Variants in UBN1 observed in about 807,000 individuals in gnomAD.
The protein encoded by UBN1 is ubinuclein-1.
A neutral mutation model predicts 108.5 loss-of-function variants in UBN1; 17 were observed. The ratio of observed to expected loss-of-function variants is 0.16; its 90% CI spans 0.11 to 0.24. The LOEUF (loss-of-function observed/expected upper bound fraction) is 0.24. Among genes scored for constraint, UBN1 ranks in the 10% least tolerant of loss-of-function variants. The pLI is 1.00. For synonymous variants in UBN1, 726 were observed against 564.2 expected (o/e 1.29, Z -4.07); for missense variants, 1,595 against 1,394.4 (o/e 1.14, Z -2.29).
At position 4,876,962 on chromosome 16, in the gene UBN1, G is replaced by A; in HGVS notation, c.3116G>A (p.Ser1039Asn). 1.2e-6 allele frequency: 2 copies of A among 1,614,220 alleles called. No individual in the cohort carries two copies. Among genetic ancestry groups the A allele is most frequent in the Non-Finnish European group, 1.7e-6 (2 of 1,180,046 alleles). The change falls in exon 16 of 18, where the codon AGC becomes AAC. Residue 1039 changes from serine to asparagine, a missense_variant. Ser to Asn is a conservative substitution (Grantham distance 46, BLOSUM62 1). This residue lies in a region of UBN1 where 1,398 missense variants were observed against 1,194.7 expected (regional missense o/e 1.17). Transcript: ENST00000262376. ...AGCCCAAAGCTGTCTGGGGCCATGAGCTCGAACTCCTTGGGAATTATAACC... is the reference window on the plus strand; with the variant it reads ...AGCCCAAAGCTGTCTGGGGCCATGAACTCGAACTCCTTGGGAATTATAACC... ...SSSPKLSGAMSSNSLGIITPV... is the reference protein window; with the variant it reads ...SSSPKLSGAMNSNSLGIITPV...
In UBN1 at chr16:4,880,568, C is replaced by T. The variant is rs2088048001; in HGVS notation, c.*436C>T. 1.6e-5 allele frequency: 3 copies of T among 184,410 alleles called. No individual in the cohort carries two copies. Among genetic ancestry groups the T allele is most frequent in the South Asian group, 2.5e-4 (2 of 8,154 alleles). 11.4% of individuals were successfully genotyped at this position (184,410 alleles called of 1,614,324 possible). On this transcript the variant is annotated 3_prime_UTR_variant, in exon 18 of 18. Coordinates refer to ENST00000262376, the MANE Select transcript of UBN1 (RefSeq NM_001079514.3). ...GGCTGCAGTAAGCTCCCTGGATGGT[C>T]ACAGTGCCGCCCCATCCCCAGGCTG...
Position 4,852,964 on chromosome 16 carries a change from T to A in UBN1, c.47T>A (p.Leu16Gln). The A allele has an allele frequency of 2.5e-6, 4 of 1,614,218 alleles. No individual in the cohort carries two copies. Among genetic ancestry groups the A allele is most frequent in the Non-Finnish European group, 3.4e-6 (4 of 1,180,044 alleles). The change falls in exon 2 of 18, where the codon CTG (leucine) becomes CAG (glutamine). Residue 16 changes from leucine to glutamine, a missense_variant. Leu to Gln is a moderately radical substitution (Grantham distance 113). Around this residue, in one of 3 missense-constraint regions of UBN1, gnomAD observed 181 missense variants for 157.3 expected, o/e 1.15. Transcript: ENST00000262376. ...CAGTTCACCTCTCTCCCAGGTTCCC[T>A]GAATCCTGCGTTTTTGAAGAAGTCC... is the stretch of plus-strand genomic sequence containing the variant. Reference protein sequence around the residue: ...RVQFTSLPGSLNPAFLKKSRK... With the variant: ...RVQFTSLPGSQNPAFLKKSRK...
chr16:4,882,145 G>C lies in UBN1; in HGVS notation c.*2013G>C, dbSNP rs977203608. 46 of 152,588 alleles carry C rather than the reference G, an allele frequency of 3.0e-4. No individual in the cohort carries two copies. Among genetic ancestry groups the C allele is most frequent in the African/African-American group, 1.1e-3 (46 of 41,430 alleles). 9.5% of individuals were successfully genotyped at this position (152,588 alleles called of 1,614,324 possible). A position where few individuals can be genotyped will look rare whatever the true frequency, so the allele number is the denominator to read the frequency against. On this transcript the variant is annotated 3_prime_UTR_variant, in exon 18 of 18. Coordinates refer to ENST00000262376, the MANE Select transcript of UBN1 (RefSeq NM_001079514.3). ...GCAAGGCAGACCTACAGGCGAGGCC[G>C]CAGCAGAGGGTGGGGCAGAGCAGCC...
intron 5 of UBN1, 98 bp downstream of exon 5, chr16:4,859,257 T>C (rs557229437): frequency 6.6e-7 from 1 of 1,505,770 alleles, no homozygotes; most frequent in East Asian, 2.3e-5. Context: ...CTTGGCCGGC[T>C]CAGGAGGATG....
At chr16:4,848,342 G>C (rs947585739) in intron 1 of UBN1, 132 bp downstream of exon 1, 1 of 152,280 alleles carries the variant, frequency 6.6e-6, no homozygotes, top group African/African-American at 2.4e-5. Context: ...CATGAACTGG[G>C]AAGTGTTAAC....
Position 4,880,937 on chromosome 16 carries a change from C to G in UBN1, c.*805C>G, listed in dbSNP as rs976316613. 3.9e-5 allele frequency: 6 copies of G among 152,460 alleles called. No individual in the cohort carries two copies. The highest frequency in any genetic ancestry group is 1.4e-4 in the African/African-American group (6 of 41,426). 9.4% of individuals were successfully genotyped at this position (152,460 alleles called of 1,614,324 possible). A position where few individuals can be genotyped will look rare whatever the true frequency, so the allele number is the denominator to read the frequency against. Reference sequence around the variant, plus strand: ...TGTCCATTCAGCCCTCTGAATGGATCTGAGACGAAGACCTTTTTAAAGATA... The same window carrying G: ...TGTCCATTCAGCCCTCTGAATGGATGTGAGACGAAGACCTTTTTAAAGATA... On this transcript the variant is annotated 3_prime_UTR_variant, in exon 18 of 18. Transcript: ENST00000262376.
At chr16:4,871,028 C>A in intron 11 of UBN1, 56 bp downstream of exon 11, 1 of 1,608,566 alleles carries the variant, frequency 6.2e-7, no homozygotes, top group Non-Finnish European at 8.5e-7. Context: ...AGTGTCTGAG[C>A]ACGTCCCCTA....
intron 4 of UBN1, 117 bp downstream of exon 4, chr16:4,858,780 A>T: frequency 1.9e-6 from 2 of 1,045,164 alleles, no homozygotes; most frequent in South Asian, 2.8e-5. Context: ...AGCATGAGGC[A>T]GTAGCAGCAC....
At position 4,850,311 on chromosome 16, in the gene UBN1, T is replaced by C. The variant is rs1400204701; in HGVS notation, c.-40+2101T>C. 2.0e-5 allele frequency among the ~76,000 whole-genome samples: 3 copies of C among 152,174 alleles called. No homozygotes were observed. In the East Asian group the frequency reaches 5.8e-4, roughly 29 times the overall value. The stretch of plus-strand genomic sequence containing the variant: ...GCAACTGAAAGGAGCAGTTTTGCCA[T>C]CTAGGATTGAAGCTGCAGTCTCTCA... On this transcript the variant is annotated intron_variant, in intron 1 of 17. Coordinates refer to ENST00000262376, the MANE Select transcript of UBN1 (RefSeq NM_001079514.3).
chr16:4,870,257 G>A lies in UBN1; in HGVS notation c.1227G>A (p.Gly409=), dbSNP rs768783050. The A allele has an allele frequency of 6.2e-7, 1 of 1,614,190 alleles. No individual in the cohort carries two copies. The highest frequency in any genetic ancestry group is 8.5e-7 in the Non-Finnish European group (1 of 1,180,034). Residue 409 remains glycine, a synonymous_variant, in exon 9 of 18, where the codon GGG becomes GGA. Transcript: ENST00000262376. The stretch of plus-strand genomic sequence containing the variant: ...AGCTGAGCAGTCAGGTCCGCTCTGG[G>A]GTGTATGCCTATCTTGCGTCATTCC... The part of the protein sequence containing the change: ...TRELSSQVRS[G]VYAYLASFLP...
rs559384901 is a variant in UBN1 at position 4,877,992 on chromosome 16, C to G, written c.3355+518C>G. ...CAGTGCAAGACTTTGAGAGGAGCAG[C>G]TTTAAATCTGTCCAAGTGTGAAAAC... On this transcript the variant is annotated intron_variant, in intron 17 of 17. Transcript: ENST00000262376. The surrounding 1 kb of genome is among the most constrained non-coding windows in gnomAD (Gnocchi z 4.3). Among the ~76,000 whole-genome samples the G allele has an allele frequency of 6.6e-6, 1 of 152,242 alleles. No homozygotes were observed. The highest frequency in any genetic ancestry group is 2.1e-4 in the South Asian group (1 of 4,814).
In UBN1 at chr16:4,877,519, G is replaced by A. The variant is rs1422788182; in HGVS notation, c.3355+45G>A. 1.9e-6 allele frequency: 3 copies of A among 1,561,388 alleles called. No homozygotes were observed. The highest frequency in any genetic ancestry group is 3.7e-5 in the Admixed American group (2 of 53,906). On this transcript the variant is annotated intron_variant, in intron 17 of 17. Transcript: ENST00000262376. The surrounding 1 kb of genome is among the most constrained non-coding windows in gnomAD (Gnocchi z 4.3). ...TGTGCCACGCGCACCGTGTGCCTTT[G>A]CCCTCTCCACCCCTAGGTGCTTTGC... is the stretch of plus-strand genomic sequence containing the variant.
At chr16:4,872,622 C>G (rs2087702266) in intron 12 of UBN1, among the ~76,000 whole-genome samples, 1 of 152,200 alleles carries the variant, frequency 6.6e-6, no homozygotes, top group Admixed American at 6.5e-5. Context: ...GCGTGCGCCA[C>G]CACGCCTGGC....
intron 13 of UBN1, 27 bp downstream of exon 13, chr16:4,872,961 C>T (rs368850235): frequency 7.1e-5 from 114 of 1,614,190 alleles, no homozygotes; most frequent in East Asian, 1.8e-4. Flanking sequence ...TTTCACATCT[C>T]GGGACAAGTG....
rs1050824664 is a variant in UBN1, at chr16:4,860,789, A to G, written c.797A>G (p.His266Arg). ...GCTCAGAAAAAAAGGGAGGAGGAGC[A>G]TAAGCCTGTTGCGGTCCCATCAGCG... is the stretch of plus-strand genomic sequence containing the variant. The part of the protein sequence containing the change: ...KEAQKKREEE[H>R]KPVAVPSAEA... The change falls in exon 7 of 18, where the codon CAT (histidine) becomes CGT (arginine). Residue 266 changes from histidine to arginine, a missense_variant. His to Arg is a conservative substitution (Grantham distance 29). Transcript: ENST00000262376. 9.9e-6 allele frequency: 16 copies of G among 1,614,180 alleles called. No individual in the cohort carries two copies. In the African/African-American group the frequency reaches 2.0e-4, roughly 20 times the overall value.
At chr16:4,850,600 G>A (rs2086512646) in intron 1 of UBN1, among the ~76,000 whole-genome samples, 1 of 152,184 alleles carries the variant, frequency 6.6e-6, no homozygotes, top group African/African-American at 2.4e-5. Context: ...AGTACGTGTT[G>A]GGAGATGGTC....
chr16:4,872,329 T>A (rs894219089), intron 12 of UBN1: 2 of 985,106 alleles, frequency 2.0e-6, no homozygotes, highest in Admixed American at 6.2e-5. Flanking sequence ...CCATGAGAGG[T>A]TTGAGGCAGA....
intron 12 of UBN1, chr16:4,872,377 T>C (rs1596519185): frequency 1.0e-6 from 1 of 978,728 alleles, no homozygotes; most frequent in Non-Finnish European, 1.2e-6. Context: ...ACTCAGCCTT[T>C]GGGCAGCCAG....
At chr16:4,879,422 C>T (rs959029851) in intron 17 of UBN1, among the ~76,000 whole-genome samples, 1 of 152,160 alleles carries the variant, frequency 6.6e-6, no homozygotes, top group Non-Finnish European at 1.5e-5. Flanking sequence ...TGTACTCCAG[C>T]CTGGGCAACA....
Sources: gnomAD v4.1 joint callset for allele counts (sites outside exome capture counted in the v4.1 genomes callset) on GRCh38, gnomAD v4.1.1 for gene constraint, gnomAD v4.1.1 regional missense constraint, Gnocchi (gnomAD v3.1) non-coding constraint, MANE v1.5 for transcripts, NCBI Gene and HGNC (gene_info 2026-07-23, HGNC 2026-07-21) for gene names.